FRMD4A: variants seen among roughly 807,000 people sequenced by gnomAD.
FRMD4A encodes FERM domain containing 4A, also known as FERM domain-containing protein 4A.
FRMD4A carries 29 observed loss-of-function variants against 129.1 expected under a neutral mutation model. The observed-to-expected ratio is 0.22, with a 90% confidence interval of 0.17 to 0.31. FRMD4A has a LOEUF of 0.31. Among genes scored for constraint, FRMD4A ranks in the 10% least tolerant of loss-of-function variants. The pLI, the probability that FRMD4A is intolerant of heterozygous loss-of-function variation, is 1.00. For synonymous variants in FRMD4A, 634 were observed against 571.6 expected (o/e 1.11, Z -1.56); for missense variants, 1,272 against 1,375.8 (o/e 0.92, Z 1.19).
chr10:14,262,169 G>C (rs1001914207), intron 2 of FRMD4A, among the ~76,000 whole-genome samples: 3 of 152,122 alleles, frequency 2.0e-5, no homozygotes, highest in Non-Finnish European at 4.4e-5. Context: ...CCACTGCAGA[G>C]AGATTTCACA....
intron 2 of FRMD4A, among the ~76,000 whole-genome samples, chr10:14,061,468 T>C (rs1376909842): frequency 6.6e-6 from 1 of 152,110 alleles, no homozygotes; most frequent in East Asian, 1.9e-4. Context: ...ATGGAAAATA[T>C]AAAAATAAGC....
intron 3 of FRMD4A, among the ~76,000 whole-genome samples, chr10:13,848,682 G>A (rs1216846400): frequency 1.3e-5 from 2 of 151,710 alleles, no homozygotes; most frequent in African/African-American, 4.8e-5. Context: ...TCAATCTGCT[G>A]TATCCTGATG....
intron 6 of FRMD4A, among the ~76,000 whole-genome samples, chr10:13,776,064 G>C (rs1272631782): frequency 6.6e-6 from 1 of 152,130 alleles, no homozygotes; most frequent in African/African-American, 2.4e-5. Flanking sequence ...AAATGGAAAA[G>C]GAAATAAAAT....
chr10:13,810,062 T>G (rs894904389), intron 4 of FRMD4A, among the ~76,000 whole-genome samples: 3 of 152,018 alleles, frequency 2.0e-5, no homozygotes, highest in Admixed American at 2.0e-4. Context: ...TCTGTATTTC[T>G]GAAGATCTGG....
intron 2 of FRMD4A, among the ~76,000 whole-genome samples, chr10:13,864,351 A>AAAG (rs1554945824): frequency 2.0e-5 from 3 of 150,794 alleles, no homozygotes; most frequent in Admixed American, 2.0e-4. Flanking sequence ...AAAAAAAAAA[A>AAAG]AAAGAAAAAA....
chr10:13,714,135 C>A (rs7909891), intron 12 of FRMD4A, among the ~76,000 whole-genome samples: 128,324 of 141,870 alleles, frequency 0.9, 58,118 homozygotes, highest in East Asian at 1. Flanking sequence ...TCTCAGCTCA[C>A]TGCAACCTCT....
intron 2 of FRMD4A, among the ~76,000 whole-genome samples, chr10:13,921,226 TTC>T (rs1201533913): frequency 1.4e-4 from 3 of 21,362 alleles, no homozygotes; most frequent in Admixed American, 4.2e-4. Flanking sequence ...CTTTCTTTCT[TTC>T]TCTCTCTTTC....
intron 2 of FRMD4A, among the ~76,000 whole-genome samples, chr10:14,046,214 CAACATTTGTTA>C (rs1242557822): frequency 6.6e-6 from 1 of 152,102 alleles, no homozygotes; most frequent in African/African-American, 2.4e-5. Flanking sequence ...TCACTTTCCT[CAACATTTGTTA>C]AATGATTTGT....
intron 6 of FRMD4A, among the ~76,000 whole-genome samples, chr10:13,774,214 G>A (rs2092539836): frequency 6.6e-6 from 1 of 152,196 alleles, no homozygotes; most frequent in Non-Finnish European, 1.5e-5. Context: ...AACTTGGATA[G>A]ATTATGACTA....
chr10:13,747,271 C>T (rs769697742), intron 9 of FRMD4A, among the ~76,000 whole-genome samples: 9 of 151,672 alleles, frequency 5.9e-5, no homozygotes, highest in South Asian at 4.2e-4. Context: ...GGTAGCTCAC[C>T]CCTGTAATCC....
intron 2 of FRMD4A, among the ~76,000 whole-genome samples, chr10:14,049,384 C>G (rs907822019): frequency 6.6e-6 from 1 of 152,128 alleles, no homozygotes; most frequent in Admixed American, 6.5e-5. Flanking sequence ...AAGTCAGGAG[C>G]AATGCACTGG....
At chr10:13,738,077 C>T (rs1271914818) in intron 11 of FRMD4A, 147 bp from the exon 12 acceptor site, 1 of 624,154 alleles carries the variant, frequency 1.6e-6, no homozygotes, top group Non-Finnish European at 2.9e-6. Flanking sequence ...TGTTTCTTAA[C>T]AGATGCGTCT....
At chr10:13,778,621 GTT>G (rs71503102) in intron 6 of FRMD4A, among the ~76,000 whole-genome samples, 2,143 of 142,490 alleles carry the variant, frequency 0.015, 52 homozygotes, top group East Asian at 0.12. Flanking sequence ...GTGTGTGTGT[GTT>G]TGTGTGTGTG....
chr10:14,297,171 A>G (rs888143673), intron 2 of FRMD4A, among the ~76,000 whole-genome samples: 1 of 151,536 alleles, frequency 6.6e-6, no homozygotes, highest in Non-Finnish European at 1.5e-5. Flanking sequence ...TCAAGAAGAT[A>G]TAGAAGAAGA....
rs376006375 is a variant in FRMD4A, at chr10:14,008,639, TA to T, written c.46-149728del. 1.2e-3 allele frequency: 308 copies of T among 250,926 alleles called. 1 individual carries two copies. The highest frequency in any genetic ancestry group is 6.6e-3 in the African/African-American group (288 of 43,368). 15.5% of individuals were successfully genotyped at this position (250,926 alleles called of 1,614,324 possible). On this transcript the variant is annotated intron_variant, in intron 2 of 24. Coordinates refer to ENST00000357447, the MANE Select transcript of FRMD4A (RefSeq NM_018027.5). ...CGTACAGTAGGTCACATGCTCACCT[TA>T]AAAAGACTATTTGGAATATCACCAT...
rs151089258 is a variant in FRMD4A at position 14,291,740 on chromosome 10, T to C, written c.45+38318A>G. Among the ~76,000 whole-genome samples, 427 of 151,598 alleles carry C rather than the reference T, an allele frequency of 2.8e-3. 3 individuals carry two copies. The highest frequency in any genetic ancestry group is 9.4e-3 in the African/African-American group (390 of 41,364). On this transcript the variant is annotated intron_variant, in intron 2 of 24. Coordinates refer to ENST00000357447, the MANE Select transcript of FRMD4A (RefSeq NM_018027.5). ...ATGTTAAAAGCATTACATCTAAGAG[T>C]AGGAACAAGCTAAAAATTCCCACCA...
intron 2 of FRMD4A, among the ~76,000 whole-genome samples, chr10:14,275,895 G>A (rs77734978): frequency 2.0e-5 from 3 of 152,104 alleles, no homozygotes; most frequent in African/African-American, 4.8e-5. Flanking sequence ...AAAAATTAGC[G>A]AGGAGTAGTG....
At chr10:13,705,351 A>C (rs2087317856) in intron 13 of FRMD4A, among the ~76,000 whole-genome samples, 1 of 152,170 alleles carries the variant, frequency 6.6e-6, no homozygotes. Flanking sequence ...AGAGAACACG[A>C]ACACACATGT....
intron 2 of FRMD4A, among the ~76,000 whole-genome samples, chr10:14,227,086 G>A (rs1301353158): frequency 1.3e-5 from 2 of 151,958 alleles, no homozygotes; most frequent in Non-Finnish European, 2.9e-5. Flanking sequence ...CCCGCAAGAT[G>A]GATCTACTTC....
Sources: gnomAD v4.1 joint callset for allele counts (sites outside exome capture counted in the v4.1 genomes callset) on GRCh38, gnomAD v4.1.1 for gene constraint, MANE v1.5 for transcripts, NCBI Gene and HGNC (gene_info 2026-07-23, HGNC 2026-07-21) for gene names.